Variants in GLRA2 observed in about 807,000 individuals in gnomAD.
The protein encoded by GLRA2 is glycine receptor alpha 2, also known as glycine receptor subunit alpha-2.
Under a neutral mutation model 31.6 loss-of-function variants are expected in GLRA2, and 11 were observed. The ratio of observed to expected loss-of-function variants is 0.35; its 90% CI spans 0.22 to 0.58. The LOEUF (loss-of-function observed/expected upper bound fraction) is 0.58, where lower values mean the gene tolerates loss of function less well. GLRA2 is among the 20% of genes least tolerant of loss of function. The probability of loss-of-function intolerance (pLI) is 0.84; values close to 1 mark genes in which losing one functional copy is unlikely to be tolerated. For missense variants in GLRA2, 212 were observed against 351.8 expected (o/e 0.60, Z 3.18); for synonymous variants, 132 against 134.0 (o/e 0.99, Z 0.10).
chrX:14,699,225 A>G (rs1342921668), intron 8 of GLRA2, among the ~76,000 whole-genome samples: 4 of 111,916 alleles, frequency 3.6e-5, no homozygotes, highest in Admixed American at 9.5e-5. Context: ...CTTCTCTACA[A>G]TGCAGCCTCA....
intron 2 of GLRA2, among the ~76,000 whole-genome samples, chrX:14,569,810 C>A (rs2089859537): frequency 8.9e-6 from 1 of 112,228 alleles, no homozygotes; most frequent in African/African-American, 3.2e-5. Context: ...TGTAAATATT[C>A]ATTGCAGCAT....
intron 7 of GLRA2, among the ~76,000 whole-genome samples, chrX:14,645,954 A>G (rs758633519): frequency 1.8e-4 from 20 of 111,878 alleles, no homozygotes; most frequent in Non-Finnish European, 3.2e-4. Flanking sequence ...TACACCATTA[A>G]AGCACTTCCT....
chrX:14,583,861 G>C (rs1177341258), intron 4 of GLRA2, among the ~76,000 whole-genome samples: 1 of 112,276 alleles, frequency 8.9e-6, no homozygotes, highest in Non-Finnish European at 1.9e-5. Context: ...GTTGGAACTG[G>C]AGGGCATTAT....
the GLRA2 span, among the ~76,000 whole-genome samples, chrX:14,491,175 T>C: frequency 8.9e-6 from 1 of 112,290 alleles, no homozygotes; most frequent in Non-Finnish European, 1.9e-5. Context: ...CAAATATTTT[T>C]TAAACATCAA....
Position 14,690,746 on chromosome X carries a change from G to A in GLRA2, c.967G>A (p.Val323Met). ...AAAAGCGATTGACATCTGGATGGCG[G>A]TGTGCCTTCTGTTTGTGTTTGCTGC... is the stretch of plus-strand genomic sequence containing the variant. ...YVKAIDIWMA[V>M]CLLFVFAALL... Residue 323 changes from valine (V) to methionine (M), a missense_variant, in exon 8 of 9, where the codon GTG becomes ATG. Coordinates refer to ENST00000218075, the MANE Select transcript of GLRA2 (RefSeq NM_002063.4). 1 of 1,206,146 alleles carries A rather than the reference G, an allele frequency of 8.3e-7. No individual in the cohort carries two copies. Among genetic ancestry groups the A allele is most frequent in the Non-Finnish European group, 1.1e-6 (1 of 891,036 alleles).
intron 4 of GLRA2, among the ~76,000 whole-genome samples, chrX:14,588,013 T>A (rs2090100594): frequency 9.1e-6 from 1 of 109,934 alleles, no homozygotes. Flanking sequence ...TTCAAGTGAT[T>A]TTCTTGCCTC....
chrX:14,659,741 C>T (rs1459311096), intron 7 of GLRA2, among the ~76,000 whole-genome samples: 19 of 111,448 alleles, frequency 1.7e-4, no homozygotes, highest in Admixed American at 1.3e-3. Flanking sequence ...CAGCTGGGGG[C>T]GAGTATGACA....
chrX:14,546,851 A>G (rs112835008), intron 2 of GLRA2, among the ~76,000 whole-genome samples: 42 of 111,781 alleles, frequency 3.8e-4, no homozygotes, highest in African/African-American at 1.3e-3. Flanking sequence ...TGAAAAGAAT[A>G]TAATTATTAC....
chrX:14,460,867 G>T, the GLRA2 span, among the ~76,000 whole-genome samples: 2 of 109,780 alleles, frequency 1.8e-5, no homozygotes, highest in East Asian at 2.9e-4. Flanking sequence ...CCTCAGTTCT[G>T]CTCTCATCTT....
At chrX:14,591,120 T>A (rs923222319) in intron 4 of GLRA2, among the ~76,000 whole-genome samples, 4 of 112,247 alleles carry the variant, frequency 3.6e-5, no homozygotes, top group African/African-American at 1.3e-4. Context: ...ACGCAAACAC[T>A]ATGGGACCTA....
chrX:14,504,989 C>G, the GLRA2 span, among the ~76,000 whole-genome samples: 1 of 111,852 alleles, frequency 8.9e-6, no homozygotes. Flanking sequence ...AAGGTGTCAG[C>G]AGTTACTTCA....
At chrX:14,571,902 G>A (rs2089890083) in intron 2 of GLRA2, among the ~76,000 whole-genome samples, 1 of 111,505 alleles carries the variant, frequency 9.0e-6, no homozygotes, top group African/African-American at 3.3e-5. Context: ...GCAACAAAAA[G>A]GTTGAAAGTT....
chrX:14,501,072 T>TAA, the GLRA2 span, among the ~76,000 whole-genome samples: 208 of 89,445 alleles, frequency 2.3e-3, 1 homozygote, highest in Non-Finnish European at 3.9e-3. Context: ...GAAAAAGTAG[T>TAA]AAAAAAAAAA....
the GLRA2 span, among the ~76,000 whole-genome samples, chrX:14,467,465 T>C: frequency 8.9e-6 from 1 of 112,113 alleles, no homozygotes; most frequent in East Asian, 2.8e-4. Flanking sequence ...AACTATTCTT[T>C]AAATGTCTTG....
intron 8 of GLRA2, among the ~76,000 whole-genome samples, chrX:14,707,894 A>G (rs2091651983): frequency 9.0e-6 from 1 of 111,134 alleles, no homozygotes; most frequent in African/African-American, 3.3e-5. Context: ...GATTTGATAT[A>G]TGTATACACT....
rs141932058 is a variant in GLRA2 at position 14,532,195 on chromosome X, G to A, written c.69-44G>A. The A allele has an allele frequency of 1.5e-4, 145 of 988,824 alleles. 2 individuals are homozygous for A. The East Asian group carries it at 5.0e-3, about 34-fold the overall frequency. The allele number at this position is 988,824 out of a possible 1,213,427, so 81.5% of individuals were successfully genotyped here. A position where few individuals can be genotyped will look rare whatever the true frequency, so the allele number is the denominator to read the frequency against. ...ATGCAGTGAGCGTTAGCTCTCAAGG[G>A]ATGCAAATGAAATTGTTGCTAAAAG... On this transcript the variant is annotated intron_variant, in intron 1 of 8. Coordinates refer to ENST00000218075, the MANE Select transcript of GLRA2 (RefSeq NM_002063.4).
chrX:14,630,534 TTTTTCTGTACCC>T (rs2147118446), intron 7 of GLRA2, among the ~76,000 whole-genome samples: 1 of 111,953 alleles, frequency 8.9e-6, no homozygotes, highest in South Asian at 3.6e-4. Context: ...TCTCAAATAA[TTTTTCTGTACCC>T]TTTTCTGTAT....
At chrX:14,569,901 G>A (rs1182246115) in intron 2 of GLRA2, among the ~76,000 whole-genome samples, 1 of 112,226 alleles carries the variant, frequency 8.9e-6, no homozygotes, top group East Asian at 2.8e-4. Context: ...ACATACAATG[G>A]AATATTTTTC....
chrX:14,657,771 T>A (rs530643229), intron 7 of GLRA2, among the ~76,000 whole-genome samples: 27 of 112,149 alleles, frequency 2.4e-4, no homozygotes, highest in African/African-American at 6.5e-4. Context: ...AAAGGAACAA[T>A]GCTTGATGAT....
Sources: allele counts gnomAD v4.1 joint callset (sites outside exome capture counted in the v4.1 genomes callset), GRCh38; gene constraint gnomAD v4.1.1; transcripts MANE v1.5; gene names NCBI Gene and HGNC (gene_info 2026-07-23, HGNC 2026-07-21).